The following PCLO variants were observed in gnomAD, a reference collection of about 807,000 sequenced individuals.
PCLO encodes the protein protein piccolo.
In PCLO, 82 loss-of-function variants were observed where a neutral mutation model predicts 427.5. That is an observed-to-expected ratio of 0.19 (90% CI 0.16 to 0.23). PCLO has a LOEUF of 0.23. PCLO is among the 10% of genes least tolerant of loss of function. The pLI is 1.00. For synonymous variants in PCLO, 2,357 were observed against 2,155.4 expected (o/e 1.09, Z -2.59); for missense variants, 6,239 against 6,115.9 (o/e 1.02, Z -0.67).
chr7:82,889,432 G>A (rs1793706701), intron 9 of PCLO, among the ~76,000 whole-genome samples: 1 of 152,062 alleles, frequency 6.6e-6, no homozygotes, highest in Non-Finnish European at 1.5e-5. Context: ...ATAAAATTTG[G>A]CTTCTGAACT....
At chr7:82,820,000 T>G (rs1791756564) in intron 20 of PCLO, among the ~76,000 whole-genome samples, 1 of 152,166 alleles carries the variant, frequency 6.6e-6, no homozygotes, top group South Asian at 2.1e-4. Context: ...CTTCATTCCT[T>G]GTCACTGGCA....
chr7:82,785,498 T>C (rs1027535543), intron 22 of PCLO, among the ~76,000 whole-genome samples: 2 of 152,274 alleles, frequency 1.3e-5, no homozygotes, highest in South Asian at 2.1e-4. Flanking sequence ...TAAGAAATTA[T>C]TCTATATATT....
intron 12 of PCLO, 33 bp downstream of exon 12, chr7:82,846,530 CTTTA>C (rs777214552): frequency 7.4e-7 from 1 of 1,348,964 alleles, no homozygotes; most frequent in East Asian, 2.3e-5. Flanking sequence ...ATTTCTATCT[CTTTA>C]TTTACAGTTG....
intron 9 of PCLO, among the ~76,000 whole-genome samples, chr7:82,885,029 C>T (rs1793597484): frequency 6.6e-6 from 1 of 152,100 alleles, no homozygotes; most frequent in Non-Finnish European, 1.5e-5. Flanking sequence ...GGCAGAAATA[C>T]TCTATCATGA....
At chr7:82,779,531 G>A (rs756014637) in intron 22 of PCLO, among the ~76,000 whole-genome samples, 95 of 151,966 alleles carry the variant, frequency 6.3e-4, no homozygotes, top group Non-Finnish European at 1.2e-3. Flanking sequence ...CTTTTTCATT[G>A]TACTTTTTCT....
chr7:82,830,887 A>G (rs773654039), intron 16 of PCLO, among the ~76,000 whole-genome samples: 5 of 152,026 alleles, frequency 3.3e-5, no homozygotes, highest in African/African-American at 4.8e-5. Context: ...AATTTTTCAA[A>G]TCCACATTTA....
intron 4 of PCLO, among the ~76,000 whole-genome samples, chr7:82,963,167 A>G (rs1274509094): frequency 6.6e-6 from 1 of 152,062 alleles, no homozygotes; most frequent in Non-Finnish European, 1.5e-5. Flanking sequence ...CTCTTTGAAG[A>G]TAAATATTTG....
At chr7:82,821,261 C>T (rs548812436) in intron 20 of PCLO, 2 of 987,056 alleles carry the variant, frequency 2.0e-6, no homozygotes, top group East Asian at 1.1e-4. Flanking sequence ...GTGCTGCTTC[C>T]TGGCATGATT....
At chr7:83,064,592 T>C (rs1789619725) in intron 3 of PCLO, among the ~76,000 whole-genome samples, 1 of 152,036 alleles carries the variant, frequency 6.6e-6, no homozygotes, top group African/African-American at 2.4e-5. Context: ...GGGTACCTTG[T>C]TATTATTATT....
intron 10 of PCLO, among the ~76,000 whole-genome samples, chr7:82,852,214 A>G (rs1025339957): frequency 6.6e-6 from 1 of 152,184 alleles, no homozygotes; most frequent in African/African-American, 2.4e-5. Context: ...ATTTTGAAAT[A>G]TACAATAAAC....
intron 3 of PCLO, among the ~76,000 whole-genome samples, chr7:82,973,253 T>C (rs1429993880): frequency 1.3e-5 from 2 of 152,140 alleles, no homozygotes; most frequent in Non-Finnish European, 2.9e-5. Context: ...ATGAAATGTG[T>C]GTCAGGTCCT....
intron 3 of PCLO, among the ~76,000 whole-genome samples, chr7:83,113,635 C>A (rs1791059999): frequency 6.6e-6 from 1 of 152,120 alleles, no homozygotes; most frequent in South Asian, 2.1e-4. Flanking sequence ...ACTCATGCTA[C>A]AAAGATTTTG....
chr7:82,846,730 T>C (rs1792513343), intron 11 of PCLO, 96 bp from the exon 12 acceptor site: 1 of 713,050 alleles, frequency 1.4e-6, no homozygotes, highest in Admixed American at 2.8e-5. Context: ...CATAGGTAAA[T>C]GAGAAGTGGT....
Position 82,827,740 on chromosome 7 carries a change from T to G in PCLO, c.14343+133A>C, listed in dbSNP as rs1584019125. 5.8e-6 allele frequency: 3 copies of G among 520,794 alleles called. No homozygotes were observed. The East Asian group carries it at 9.5e-5, about 16-fold the overall frequency. The allele number at this position is 520,794 out of a possible 1,614,324, so 32.3% of individuals were successfully genotyped here. A position where few individuals can be genotyped will look rare whatever the true frequency, so the allele number is the denominator to read the frequency against. ...ACTCATTTTTTTCCATTGGCTACATTTCTTACATGTATTTTACTCAACTTT... is the reference window on the plus strand; with the variant it reads ...ACTCATTTTTTTCCATTGGCTACATGTCTTACATGTATTTTACTCAACTTT... On this transcript the variant is annotated intron_variant, in intron 17 of 24. Coordinates refer to ENST00000333891, the MANE Select transcript of PCLO (RefSeq NM_033026.6).
chr7:83,038,063 A>ATATTTATATC (rs1458881067), intron 3 of PCLO, among the ~76,000 whole-genome samples: 13 of 43,480 alleles, frequency 3.0e-4, no homozygotes, highest in African/African-American at 1.2e-3. Flanking sequence ...TTATATATAT[A>ATATTTATATC]TTTATATATT....
chr7:82,890,630 G>A (rs1311341501), intron 9 of PCLO, among the ~76,000 whole-genome samples: 2 of 151,794 alleles, frequency 1.3e-5, no homozygotes, highest in Admixed American at 6.6e-5. Flanking sequence ...GGTAGAAGAT[G>A]AGAATTTTGT....
intron 3 of PCLO, among the ~76,000 whole-genome samples, chr7:83,073,830 A>G (rs1396435301): frequency 6.6e-6 from 1 of 151,032 alleles, no homozygotes; most frequent in Admixed American, 6.6e-5. Context: ...TTTAATTTTA[A>G]TAATAAAAAT....
rs1409053860 is a variant in PCLO at position 82,965,827 on chromosome 7, G to A, written c.3961C>T (p.Pro1321Ser). ...GGTTTTGCTGTGCATGGTGGCTGTG[G>A]CTGTTCTTTTATTGTTTTGGTTGTC... Reference protein sequence around the residue: ...DKTTKTIKEQPQPPCTAKPDQ... With the variant: ...DKTTKTIKEQSQPPCTAKPDQ... Residue 1321 changes from proline to serine, a missense_variant, in exon 4 of 25, where the codon CCA becomes TCA. Physicochemically the swap from Pro to Ser is moderately conservative, Grantham distance 74. Transcript: ENST00000333891. 2 of 1,613,816 alleles carry A rather than the reference G, an allele frequency of 1.2e-6. No homozygotes were observed. The highest frequency in any genetic ancestry group is 1.7e-6 in the Non-Finnish European group (2 of 1,179,834).
intron 3 of PCLO, among the ~76,000 whole-genome samples, chr7:83,035,879 C>T (rs1477683030): frequency 6.6e-6 from 1 of 152,102 alleles, no homozygotes; most frequent in African/African-American, 2.4e-5. Context: ...AAGGTTAGCC[C>T]CGTTTTTATT....
Sources: allele counts gnomAD v4.1 joint callset (sites outside exome capture counted in the v4.1 genomes callset), GRCh38; gene constraint gnomAD v4.1.1; transcripts MANE v1.5; gene names NCBI Gene and HGNC (gene_info 2026-07-23, HGNC 2026-07-21).